The following AKR1C4 variants were observed in gnomAD, a reference collection of about 807,000 sequenced individuals.
The protein encoded by AKR1C4 is 3-alpha-HSD1.
Under a neutral mutation model 41.0 loss-of-function variants are expected in AKR1C4, and 44 were observed. The ratio of observed to expected loss-of-function variants is 1.07; its 90% CI spans 0.84 to 1.38. The LOEUF is 1.38. Among genes scored for constraint, AKR1C4 ranks in the 40% most tolerant of loss-of-function variants. The pLI, the probability that AKR1C4 is intolerant of heterozygous loss-of-function variation, is 0.00. For missense variants in AKR1C4, 438 were observed against 387.9 expected, an observed-to-expected ratio of 1.13 and a Z score of -1.09; for synonymous variants, 165 against 137.7, an observed-to-expected ratio of 1.20 and a Z score of -1.39.
intron 8 of AKR1C4, among the ~76,000 whole-genome samples, chr10:5,217,961 A>T (rs1554798729): frequency 6.6e-6 from 1 of 152,246 alleles, no homozygotes. Flanking sequence ...ATAATGTATT[A>T]AAAAGGATAA....
In AKR1C4 at chr10:5,200,195, A is replaced by G; in HGVS notation, c.99A>G (p.Arg33=). The stretch of plus-strand genomic sequence containing the variant: ...TGCTCCTTCAGGTTCCGAGGAACAG[A>G]GCTGTAGAGGTCACCAAATTAGCAA... ...TYAPPEVPRN[R]AVEVTKLAIE... Residue 33 remains arginine, a synonymous_variant, in exon 2 of 9, where the codon AGA becomes AGG. Transcript: ENST00000263126. 6.2e-7 allele frequency: 1 copy of G among 1,613,536 alleles called. No individual in the cohort carries two copies. Among genetic ancestry groups the G allele is most frequent in the South Asian group, 1.1e-5 (1 of 90,950 alleles).
At chr10:5,218,223 C>T (rs1832681819) in intron 8 of AKR1C4, among the ~76,000 whole-genome samples, 1 of 152,124 alleles carries the variant, frequency 6.6e-6, no homozygotes, top group Non-Finnish European at 1.5e-5. Context: ...ATTTACATGT[C>T]TGAATCAAAG....
At chr10:5,200,648 T>C (rs1037264715) in intron 2 of AKR1C4, among the ~76,000 whole-genome samples, 9 of 152,202 alleles carry the variant, frequency 5.9e-5, no homozygotes, top group African/African-American at 1.9e-4. Flanking sequence ...TACAAGTGGA[T>C]TTTGGTTACA....
At chr10:5,218,568 C>T in intron 8 of AKR1C4, 150 bp from the exon 9 acceptor site, 2 of 499,704 alleles carry the variant, frequency 4.0e-6, no homozygotes, top group South Asian at 2.7e-5. Context: ...ACATTATAAA[C>T]TCATGTTCAT....
chr10:5,210,244 G>A (rs868946362), intron 5 of AKR1C4, among the ~76,000 whole-genome samples: 1 of 152,170 alleles, frequency 6.6e-6, no homozygotes, highest in Non-Finnish European at 1.5e-5. Flanking sequence ...TTACATCCAT[G>A]CTGATGTAAG....
At position 5,212,741 on chromosome 10, in the gene AKR1C4, G is replaced by A. The variant is rs45462602; in HGVS notation, c.680+16G>A. Reference sequence around the variant, plus strand: ...ATAAACTATGGTAATAAGAGCATCAGGAAGTTTACCTAAAATGCCATTTTG... The same window carrying A: ...ATAAACTATGGTAATAAGAGCATCAAGAAGTTTACCTAAAATGCCATTTTG... On this transcript the variant is annotated intron_variant, in intron 6 of 8. Transcript: ENST00000263126. 8.8e-6 allele frequency: 14 copies of A among 1,599,596 alleles called. No homozygotes were observed. Among genetic ancestry groups the A allele is most frequent in the African/African-American group, 1.3e-5 (1 of 74,268 alleles).
At chr10:5,202,388 C>T (rs562307466) in intron 2 of AKR1C4, 123 of 415,460 alleles carry the variant, frequency 3.0e-4, no homozygotes, top group East Asian at 1.9e-3. Context: ...ATTTGTTTGT[C>T]GGAGGAGCTT....
chr10:5,217,112 G>C (rs916262339), intron 8 of AKR1C4, among the ~76,000 whole-genome samples: 1 of 152,266 alleles, frequency 6.6e-6, no homozygotes, highest in South Asian at 2.1e-4. Flanking sequence ...GTGGACAGTA[G>C]ATATTGCCCA....
intron 7 of AKR1C4, among the ~76,000 whole-genome samples, chr10:5,214,331 G>T (rs1030363559): frequency 6.6e-6 from 1 of 151,382 alleles, no homozygotes; most frequent in African/African-American, 2.4e-5. Context: ...TGAATAGAAA[G>T]TCTTACTACC....
At chr10:5,216,511 T>C (rs868933469) in intron 7 of AKR1C4, among the ~76,000 whole-genome samples, 200 bp from the exon 8 acceptor site, 2 of 152,218 alleles carry the variant, frequency 1.3e-5, no homozygotes, top group Non-Finnish European at 2.9e-5. Context: ...GCAGTTTCAA[T>C]ATGTAATATC....
At chr10:5,203,295 A>G (rs1283790303) in intron 2 of AKR1C4, among the ~76,000 whole-genome samples, 2 of 152,116 alleles carry the variant, frequency 1.3e-5, no homozygotes, top group Admixed American at 1.3e-4. Flanking sequence ...GCTTCTTTCG[A>G]TCTGTGACAT....
chr10:5,212,733 G>T lies in AKR1C4; in HGVS notation c.680+8G>T. 6.2e-7 allele frequency: 1 copy of T among 1,604,440 alleles called. No individual in the cohort carries two copies. Among genetic ancestry groups the T allele is most frequent in the Admixed American group, 1.7e-5 (1 of 57,618 alleles). On this transcript the variant is annotated splice_region_variant and intron_variant, in intron 6 of 8. Transcript: ENST00000263126. Reference sequence around the variant, plus strand: ...CCAACGACATAAACTATGGTAATAAGAGCATCAGGAAGTTTACCTAAAATG... The same window carrying T: ...CCAACGACATAAACTATGGTAATAATAGCATCAGGAAGTTTACCTAAAATG...
intron 1 of AKR1C4, among the ~76,000 whole-genome samples, chr10:5,199,047 A>G (rs1429201887): frequency 1.3e-5 from 2 of 152,154 alleles, no homozygotes; most frequent in Non-Finnish European, 2.9e-5. Context: ...TTATAAGTTG[A>G]GTCTTGTTAA....
intron 5 of AKR1C4, among the ~76,000 whole-genome samples, chr10:5,211,132 C>CCA (rs1158841257): frequency 1.3e-5 from 2 of 152,156 alleles, no homozygotes; most frequent in African/African-American, 4.8e-5. Context: ...TCCTAGACCT[C>CCA]CACCTCCCTC....
intron 5 of AKR1C4, chr10:5,207,424 C>G: frequency 3.0e-6 from 1 of 334,612 alleles, no homozygotes; most frequent in South Asian, 2.7e-5. Flanking sequence ...ACTGTAGAAG[C>G]CATATGCAAG....
intron 3 of AKR1C4, among the ~76,000 whole-genome samples, chr10:5,205,313 A>G (rs1832467176): frequency 6.6e-6 from 1 of 152,202 alleles, no homozygotes; most frequent in Admixed American, 6.5e-5. Flanking sequence ...TAATACTGAA[A>G]AGAACTTCCA....
intron 2 of AKR1C4, among the ~76,000 whole-genome samples, chr10:5,200,575 CCTCAG>C (rs1182630648): frequency 2.6e-5 from 4 of 152,154 alleles, no homozygotes; most frequent in African/African-American, 9.7e-5. Flanking sequence ...AGGTTTTGAG[CCTCAG>C]CTCAGATCAG....
intron 7 of AKR1C4, among the ~76,000 whole-genome samples, chr10:5,213,732 G>C (rs1399246125): frequency 1.3e-5 from 2 of 152,122 alleles, no homozygotes; most frequent in African/African-American, 4.8e-5. Context: ...AGCTCCACCT[G>C]AACTCAGTCT....
At chr10:5,197,007 A>G in intron 1 of AKR1C4, 56 bp downstream of exon 1, 1 of 1,554,166 alleles carries the variant, frequency 6.4e-7, no homozygotes, top group South Asian at 1.1e-5. Flanking sequence ...AGAATAAGTG[A>G]ACGATGACCT....
Sources: gnomAD v4.1 joint callset for allele counts (sites outside exome capture counted in the v4.1 genomes callset) on GRCh38, gnomAD v4.1.1 for gene constraint, MANE v1.5 for transcripts, NCBI Gene and HGNC (gene_info 2026-07-23, HGNC 2026-07-21) for gene names.